The following NBEA variants were observed in gnomAD, a reference collection of about 807,000 sequenced individuals.
The protein encoded by NBEA is lysosomal-trafficking regulator 2.
In NBEA, 44 loss-of-function variants were observed where a neutral mutation model predicts 343.4. The ratio of observed to expected loss-of-function variants is 0.13; its 90% CI spans 0.10 to 0.16. NBEA has a LOEUF of 0.16. Ranked by LOEUF, NBEA falls within the 10% of genes least tolerant of loss-of-function variation. The probability of loss-of-function intolerance (pLI) is 1.00; values close to 1 mark genes in which losing one functional copy is unlikely to be tolerated. For missense variants in NBEA, 2,555 were observed against 3,631.3 expected (o/e 0.70, Z 7.62); for synonymous variants, 1,175 against 1,238.7 (o/e 0.95, Z 1.08).
At chr13:35,461,499 G>T (rs1335823492) in intron 40 of NBEA, among the ~76,000 whole-genome samples, 1 of 152,170 alleles carries the variant, frequency 6.6e-6, no homozygotes, top group Non-Finnish European at 1.5e-5. Flanking sequence ...AAGCTTTCAT[G>T]GTTGTTTTTA....
intron 1 of NBEA, among the ~76,000 whole-genome samples, chr13:34,980,908 TC>T (rs1322937430): frequency 6.6e-6 from 1 of 152,184 alleles, no homozygotes; most frequent in Non-Finnish European, 1.5e-5. Context: ...ATATGTATTT[TC>T]TTAAAATAGC....
intron 18 of NBEA, among the ~76,000 whole-genome samples, chr13:35,155,154 A>AAT (rs1230382954): frequency 6.6e-6 from 1 of 151,178 alleles, no homozygotes; most frequent in Admixed American, 6.6e-5. Flanking sequence ...AAAAAAAAAA[A>AAT]AAAGTAGTTC....
At chr13:35,528,929 A>G (rs903697806) in intron 41 of NBEA, among the ~76,000 whole-genome samples, 9 of 152,212 alleles carry the variant, frequency 5.9e-5, no homozygotes, top group Non-Finnish European at 4.4e-5. Flanking sequence ...TAGATGCAGT[A>G]TCCAGCCCCA....
intron 1 of NBEA, among the ~76,000 whole-genome samples, chr13:35,032,204 T>C (rs913301338): frequency 6.6e-6 from 1 of 151,870 alleles, no homozygotes; most frequent in African/African-American, 2.4e-5. Flanking sequence ...GTTTTGCTTT[T>C]AGCTGTTTGA....
intron 38 of NBEA, among the ~76,000 whole-genome samples, chr13:35,371,823 G>A (rs1294441353): frequency 6.6e-6 from 1 of 152,182 alleles, no homozygotes; most frequent in African/African-American, 2.4e-5. Context: ...ACTTTGGCCT[G>A]ATTCTGGGTG....
chr13:35,317,541 T>A (rs2037826033), intron 36 of NBEA, among the ~76,000 whole-genome samples: 1 of 152,238 alleles, frequency 6.6e-6, no homozygotes, highest in South Asian at 2.1e-4. Flanking sequence ...GGTAGCATGA[T>A]GCCTCCAGCA....
intron 45 of NBEA, among the ~76,000 whole-genome samples, chr13:35,569,261 C>T (rs2080282600): frequency 6.6e-6 from 1 of 152,072 alleles, no homozygotes; most frequent in Non-Finnish European, 1.5e-5. Context: ...ACCAAACTAA[C>T]TTATTGATGT....
intron 33 of NBEA, among the ~76,000 whole-genome samples, chr13:35,217,376 A>G (rs2074122548): frequency 1.3e-5 from 2 of 151,798 alleles, no homozygotes; most frequent in Non-Finnish European, 2.9e-5. Context: ...ATTTTTTTTA[A>G]TCTGGCTTGT....
At chr13:35,067,081 A>G (rs1204847842) in intron 8 of NBEA, among the ~76,000 whole-genome samples, 2 of 152,008 alleles carry the variant, frequency 1.3e-5, no homozygotes, top group Non-Finnish European at 2.9e-5. Context: ...TTTTTGTGAT[A>G]TTATTGTTAT....
intron 30 of NBEA, among the ~76,000 whole-genome samples, chr13:35,195,644 G>T (rs1282726579): frequency 6.6e-6 from 1 of 151,974 alleles, no homozygotes; most frequent in Admixed American, 6.6e-5. Flanking sequence ...TGATCCATCT[G>T]CCTCAGCCTC....
At chr13:35,079,664 G>T (rs2064286094) in intron 10 of NBEA, among the ~76,000 whole-genome samples, 1 of 152,066 alleles carries the variant, frequency 6.6e-6, no homozygotes, top group Non-Finnish European at 1.5e-5. Flanking sequence ...TGCATGGATG[G>T]TATCTTTTTA....
chr13:35,398,828 A>T (rs894213907), intron 38 of NBEA, among the ~76,000 whole-genome samples: 3 of 152,038 alleles, frequency 2.0e-5, no homozygotes, highest in African/African-American at 7.2e-5. Context: ...TGTCAGCTGC[A>T]TTAGCCCCCA....
At chr13:35,149,390 AT>A (rs1209236292) in intron 18 of NBEA, among the ~76,000 whole-genome samples, 2 of 151,894 alleles carry the variant, frequency 1.3e-5, no homozygotes, top group East Asian at 3.9e-4. Context: ...TGATAATGGT[AT>A]TTTTTTTGCT....
chr13:35,186,985 A>G (rs1449258688), intron 30 of NBEA, among the ~76,000 whole-genome samples: 1 of 152,118 alleles, frequency 6.6e-6, no homozygotes, highest in Non-Finnish European at 1.5e-5. Flanking sequence ...TGTTTTAAAA[A>G]CAAAACAAAG....
intron 47 of NBEA, among the ~76,000 whole-genome samples, chr13:35,601,761 C>CAAAAAAAAAAA (rs869213180): frequency 1.7e-5 from 2 of 114,930 alleles, no homozygotes; most frequent in African/African-American, 7.3e-5. Flanking sequence ...GACTCCATCG[C>CAAAAAAAAAAA]AAAAAAAAAA....
At chr13:35,054,676 C>T (rs1344053024) in intron 6 of NBEA, among the ~76,000 whole-genome samples, 3 of 135,898 alleles carry the variant, frequency 2.2e-5, no homozygotes, top group African/African-American at 8.3e-5. Flanking sequence ...CAAAGTCTTG[C>T]CCTGTCGCCC....
At chr13:35,633,325 A>G (rs960476530) in intron 49 of NBEA, among the ~76,000 whole-genome samples, 6 of 150,330 alleles carry the variant, frequency 4.0e-5, no homozygotes, top group Non-Finnish European at 8.9e-5. Flanking sequence ...GATGGTCTCA[A>G]TTTCCTGATC....
In NBEA at chr13:35,625,079, T is replaced by A. The variant is rs142543329; in HGVS notation, c.7450-3002T>A. Among the ~76,000 whole-genome samples the A allele has an allele frequency of 6.4e-4, 98 of 152,284 alleles. 1 individual carries two copies. In the East Asian group the frequency reaches 0.016, roughly 25 times the overall value. ...TATCATATATGAATGAAAGTAGATGTAGATTAATTAAAGATCAAAATATGA... is the reference window on the plus strand; with the variant it reads ...TATCATATATGAATGAAAGTAGATGAAGATTAATTAAAGATCAAAATATGA... On this transcript the variant is annotated intron_variant, in intron 48 of 58. Coordinates refer to ENST00000379939, the MANE Select transcript of NBEA (RefSeq NM_001385012.1).
At chr13:35,001,829 A>C (rs1162139823) in intron 1 of NBEA, among the ~76,000 whole-genome samples, 1 of 152,134 alleles carries the variant, frequency 6.6e-6, no homozygotes, top group East Asian at 1.9e-4. Context: ...TTTCCAACAC[A>C]AAGACGTGAA....
Sources: gnomAD v4.1 joint callset for allele counts (sites outside exome capture counted in the v4.1 genomes callset) on GRCh38, gnomAD v4.1.1 for gene constraint, MANE v1.5 for transcripts, NCBI Gene and HGNC (gene_info 2026-07-23, HGNC 2026-07-21) for gene names.